The following CTNNA3 variants were observed in gnomAD, a reference collection of about 807,000 sequenced individuals.
The protein encoded by CTNNA3 is catenin alpha 3, also known as catenin alpha-3.
In CTNNA3, 76 loss-of-function variants were observed where a neutral mutation model predicts 95.7. That is an observed-to-expected ratio of 0.79 (90% CI 0.66 to 0.96). The LOEUF is 0.96. Ranked by LOEUF, CTNNA3 falls within the 40% of genes least tolerant of loss-of-function variation. CTNNA3 has a pLI of 0.00. For missense variants in CTNNA3, 1,191 were observed against 1,089.8 expected (o/e 1.09, Z -1.31); for synonymous variants, 431 against 374.4 (o/e 1.15, Z -1.74).
At chr10:67,543,297 A>G (rs1338134955) in intron 3 of CTNNA3, among the ~76,000 whole-genome samples, 1 of 152,066 alleles carries the variant, frequency 6.6e-6, no homozygotes, top group African/African-American at 2.4e-5. Context: ...AAGAGATGAC[A>G]ATTTCTGAAT....
At chr10:66,855,082 C>T (rs10997419) in intron 7 of CTNNA3, among the ~76,000 whole-genome samples, 70,271 of 151,598 alleles carry the variant, frequency 0.46, 17,019 homozygotes, top group Non-Finnish European at 0.53. Context: ...TATTGAATAA[C>T]AGGCTAAAAG....
intron 13 of CTNNA3, among the ~76,000 whole-genome samples, chr10:66,130,839 A>G (rs912518420): frequency 1.3e-5 from 2 of 150,704 alleles, no homozygotes; most frequent in Admixed American, 6.6e-5. Flanking sequence ...CTGGTGACAC[A>G]GCAAGACTCC....
chr10:66,982,375 G>A (rs1850491384), intron 7 of CTNNA3, among the ~76,000 whole-genome samples: 1 of 152,244 alleles, frequency 6.6e-6, no homozygotes, highest in South Asian at 2.1e-4. Context: ...GGTGACTCAG[G>A]CAAGTTACTA....
chr10:66,178,436 T>C (rs1462395238), intron 13 of CTNNA3, among the ~76,000 whole-genome samples: 3 of 95,134 alleles, frequency 3.2e-5, no homozygotes, highest in Admixed American at 1.3e-4. Context: ...TATATATATA[T>C]ATATATACAC....
intron 1 of CTNNA3, among the ~76,000 whole-genome samples, chr10:67,757,857 G>A (rs988389098): frequency 3.3e-5 from 5 of 152,004 alleles, no homozygotes; most frequent in African/African-American, 7.3e-5. Context: ...TAATATATAC[G>A]TCTATCCTAT....
chr10:66,513,180 TA>T (rs1293040515), intron 11 of CTNNA3, among the ~76,000 whole-genome samples: 1 of 152,190 alleles, frequency 6.6e-6, no homozygotes, highest in Non-Finnish European at 1.5e-5. Context: ...ATATGTCATG[TA>T]AACTTTTTTC....
chr10:66,352,942 G>A (rs2092578379), intron 12 of CTNNA3, among the ~76,000 whole-genome samples: 2 of 151,976 alleles, frequency 1.3e-5, no homozygotes, highest in South Asian at 4.2e-4. Flanking sequence ...GGCACTAAAG[G>A]GGCTTCCAAA....
intron 7 of CTNNA3, among the ~76,000 whole-genome samples, chr10:67,107,947 C>T (rs961352641): frequency 1.3e-5 from 2 of 152,196 alleles, no homozygotes; most frequent in African/African-American, 4.8e-5. Flanking sequence ...CTGTTTCCCC[C>T]TTTTCTTCCT....
intron 15 of CTNNA3, among the ~76,000 whole-genome samples, chr10:66,039,749 A>G (rs1212464034): frequency 6.6e-6 from 1 of 152,210 alleles, no homozygotes; most frequent in Admixed American, 6.5e-5. Flanking sequence ...TCAAAGACTT[A>G]AAGAAAAAAC....
chr10:66,912,050 A>C (rs1846245624), intron 7 of CTNNA3, among the ~76,000 whole-genome samples: 1 of 152,224 alleles, frequency 6.6e-6, no homozygotes, highest in African/African-American at 2.4e-5. Context: ...AATATAGCCA[A>C]TGAAGAGAAG....
At chr10:66,467,433 C>T (rs1461553439) in intron 11 of CTNNA3, among the ~76,000 whole-genome samples, 1 of 152,064 alleles carries the variant, frequency 6.6e-6, no homozygotes, top group Non-Finnish European at 1.5e-5. Context: ...TGCTGTGCTA[C>T]AAACCATATC....
intron 7 of CTNNA3, among the ~76,000 whole-genome samples, chr10:66,989,999 C>T (rs1850956296): frequency 6.6e-6 from 1 of 152,150 alleles, no homozygotes; most frequent in South Asian, 2.1e-4. Context: ...TTTTCAGGCA[C>T]ATATATATTA....
intron 15 of CTNNA3, among the ~76,000 whole-genome samples, chr10:66,035,380 A>T (rs2079538709): frequency 6.6e-6 from 1 of 152,162 alleles, no homozygotes; most frequent in Admixed American, 6.6e-5. Flanking sequence ...AGAATTTAGA[A>T]TAACCAAATA....
intron 13 of CTNNA3, among the ~76,000 whole-genome samples, chr10:66,170,397 A>G (rs1371829821): frequency 6.6e-6 from 1 of 151,962 alleles, no homozygotes; most frequent in Non-Finnish European, 1.5e-5. Flanking sequence ...ATGCTTCTGA[A>G]AAATTTGAAG....
At chr10:67,559,559 T>C (rs1841405701) in intron 3 of CTNNA3, among the ~76,000 whole-genome samples, 1 of 151,844 alleles carries the variant, frequency 6.6e-6, no homozygotes, top group African/African-American at 2.4e-5. Flanking sequence ...GCAGAAAAAC[T>C]GGAAACTCTA....
intron 15 of CTNNA3, among the ~76,000 whole-genome samples, chr10:66,035,730 T>C (rs752940956): frequency 6.6e-6 from 1 of 152,130 alleles, no homozygotes; most frequent in Non-Finnish European, 1.5e-5. Context: ...AGTGACCATG[T>C]GTCACTTATA....
chr10:66,297,305 T>C (rs1911486), intron 12 of CTNNA3, among the ~76,000 whole-genome samples: 34,680 of 152,014 alleles, frequency 0.23, 4,132 homozygotes, highest in Admixed American at 0.29. Flanking sequence ...GTTCCATCCT[T>C]GCAAGCCGGG....
chr10:66,168,561 ACT>A (rs150643265), intron 13 of CTNNA3, among the ~76,000 whole-genome samples: 11,237 of 152,076 alleles, frequency 0.074, 523 homozygotes, highest in Admixed American at 0.12. Context: ...CACATGTTGG[ACT>A]CTCACACTAT....
At chr10:66,864,151 T>C (rs953059890) in intron 7 of CTNNA3, among the ~76,000 whole-genome samples, 11 of 152,200 alleles carry the variant, frequency 7.2e-5, no homozygotes, top group Admixed American at 3.9e-4. Flanking sequence ...GGTTGGAATA[T>C]GTTTCCCAAA....
Sources: allele counts gnomAD v4.1 joint callset (sites outside exome capture counted in the v4.1 genomes callset), GRCh38; gene constraint gnomAD v4.1.1; transcripts MANE v1.5; gene names NCBI Gene and HGNC (gene_info 2026-07-23, HGNC 2026-07-21).